The following ATG4D variants were observed in gnomAD, a reference collection of about 807,000 sequenced individuals.
The protein encoded by ATG4D is autophagy related 4D cysteine peptidase.
A neutral mutation model predicts 55.2 loss-of-function variants in ATG4D; 51 were observed. The observed-to-expected ratio is 0.92, with a 90% CI of 0.74 to 1.17. The LOEUF is 1.17. Among genes scored for constraint, ATG4D ranks in the 50% most tolerant of loss-of-function variants. The pLI is 0.00. For missense variants in ATG4D, 635 were observed against 649.6 expected (o/e 0.98, Z 0.25); for synonymous variants, 268 against 266.2 (o/e 1.01, Z -0.07).
Position 10,544,834 on chromosome 19 carries a change from T to C in ATG4D, c.287T>C (p.Leu96Pro). 1 of 1,613,572 alleles carries C rather than the reference T, an allele frequency of 6.2e-7. No individual in the cohort carries two copies. Among genetic ancestry groups the C allele is most frequent in the Non-Finnish European group, 8.5e-7 (1 of 1,179,690 alleles). The change falls in exon 2 of 10, where the codon CTC (leucine) becomes CCC (proline). Residue 96 changes from leucine (L) to proline (P), a missense_variant. Leu to Pro is a moderately conservative substitution (Grantham distance 98). Transcript: ENST00000309469. ...TSFSKISSIH[L>P]CGRRYRFEGE... ...TTTAGCAAGATCTCCAGCATCCACCTCTGTGGCCGCCGCTACCGTTTCGAG... is the reference window on the plus strand; with the variant it reads ...TTTAGCAAGATCTCCAGCATCCACCCCTGTGGCCGCCGCTACCGTTTCGAG...
At position 10,544,156 on chromosome 19, in the gene ATG4D, G is replaced by A; in HGVS notation, c.66G>A (p.Arg22=). ...GCAGCCCGGAGGACGCGCGCCGCCG[G>A]CCCGAGGCCCGCAGGCCGCGGGGTC... The part of the protein sequence containing the change: ...RSSSPEDARR[R]PEARRPRGPR... Residue 22 remains arginine (R), a synonymous_variant, in exon 1 of 10, where the codon CGG becomes CGA. Transcript: ENST00000309469. The A allele has an allele frequency of 8.0e-7, 1 of 1,244,532 alleles. No homozygotes were observed. The highest frequency in any genetic ancestry group is 1.0e-6 in the Non-Finnish European group (1 of 987,320). The allele number at this position is 1,244,532 out of a possible 1,614,324, so 77.1% of individuals were successfully genotyped here. A position where few individuals can be genotyped will look rare whatever the true frequency, so the allele number is the denominator to read the frequency against.
Position 10,544,800 on chromosome 19 carries a change from C to G in ATG4D, c.253C>G (p.Arg85Gly). 6.2e-7 allele frequency: 1 copy of G among 1,614,110 alleles called. No individual in the cohort carries two copies. Among genetic ancestry groups the G allele is most frequent in the Non-Finnish European group, 8.5e-7 (1 of 1,180,006 alleles). Residue 85 changes from arginine (R) to glycine (G), a missense_variant, in exon 2 of 10, where the codon CGG becomes GGG. Arg to Gly is a moderately radical substitution (Grantham distance 125). Coordinates refer to ENST00000309469, the MANE Select transcript of ATG4D (RefSeq NM_032885.6). ...CTCCCCAGGTTGGGTGGTTAAAAGC[C>G]GGACCAGCTTTAGCAAGATCTCCAG... ...NVKYGWVVKSRTSFSKISSIH... is the reference protein window; with the variant it reads ...NVKYGWVVKSGTSFSKISSIH...
At position 10,552,748 on chromosome 19, in the gene ATG4D, G is replaced by T. The variant is rs534685999; in HGVS notation, c.1243-137G>T. ...TGCTCATGGCTGAGCCAATCACTGT[G>T]GCCAGGGGATGGAAGGTGCTGATTG... On this transcript the variant is annotated intron_variant, in intron 9 of 9. Transcript: ENST00000309469. 11 of 914,500 alleles carry T rather than the reference G, an allele frequency of 1.2e-5. No homozygotes were observed. In the Admixed American group the frequency reaches 2.5e-4, roughly 21 times the overall value. 56.6% of individuals were successfully genotyped at this position (914,500 alleles called of 1,614,324 possible). A position where few individuals can be genotyped will look rare whatever the true frequency, so the allele number is the denominator to read the frequency against.
chr19:10,548,961 A>G lies in ATG4D; in HGVS notation c.893A>G (p.Lys298Arg). The G allele has an allele frequency of 6.2e-7, 1 of 1,614,074 alleles. No homozygotes were observed. Among genetic ancestry groups the G allele is most frequent in the Non-Finnish European group, 8.5e-7 (1 of 1,179,984 alleles). Reference protein sequence around the residue: ...VARPDPTAEWKSVVILVPVRL... With the variant: ...VARPDPTAEWRSVVILVPVRL... Reference sequence around the variant, plus strand: ...AGGCCAGACCCCACAGCCGAGTGGAAGTCTGTGGTCATCCTGGTGCCCGTG... The same window carrying G: ...AGGCCAGACCCCACAGCCGAGTGGAGGTCTGTGGTCATCCTGGTGCCCGTG... The change falls in exon 6 of 10, where the codon AAG (lysine) becomes AGG (arginine). Residue 298 changes from lysine to arginine, a missense_variant. Physicochemically the swap from Lys to Arg is conservative, Grantham distance 26. Coordinates refer to ENST00000309469, the MANE Select transcript of ATG4D (RefSeq NM_032885.6).
chr19:10,552,348 G>A (rs754151658), intron 9 of ATG4D, 24 bp downstream of exon 9: 2 of 1,601,136 alleles, frequency 1.2e-6, no homozygotes, highest in East Asian at 2.2e-5. Context: ...AAGCTGGAGT[G>A]GGGTGAGGGG....
In ATG4D at chr19:10,549,426, C is replaced by CT. The variant is rs112802453; in HGVS notation, c.966+401dup. ...GCGTGAGCCACCACACGGGCCATCC[C>CT]TTTTTTTTTGAGACAGAGTCTTGCT... On this transcript the variant is annotated intron_variant, in intron 6 of 9. Transcript: ENST00000309469. 8.7e-3 allele frequency among the ~76,000 whole-genome samples: 1,303 copies of CT among 149,170 alleles called. 15 individuals are homozygous for CT. The highest frequency in any genetic ancestry group is 0.03 in the African/African-American group (1,229 of 40,504).
At position 10,553,360 on chromosome 19, in the gene ATG4D, C is replaced by G; in HGVS notation, c.*293C>G. ...CACTGGACGCCCGGGCCCTCCCTGT[C>G]CCAAAGCCCCCTTGGGGGAACTGTG... is the stretch of plus-strand genomic sequence containing the variant. On this transcript the variant is annotated 3_prime_UTR_variant, in exon 10 of 10. Coordinates refer to ENST00000309469, the MANE Select transcript of ATG4D (RefSeq NM_032885.6). 1 of 325,760 alleles carries G rather than the reference C, an allele frequency of 3.1e-6. No homozygotes were observed. Among genetic ancestry groups the G allele is most frequent in the Non-Finnish European group, 5.7e-6 (1 of 175,330 alleles). The allele number at this position is 325,760 out of a possible 1,614,324, so 20.2% of individuals were successfully genotyped here.
At position 10,553,037 on chromosome 19, in the gene ATG4D, C is replaced by T. The variant is rs1916343401; in HGVS notation, c.1395C>T (p.Arg465=). Residue 465 remains arginine (R), a synonymous_variant, in exon 10 of 10, where the codon CGC becomes CGT. Transcript: ENST00000309469. Reference sequence around the variant, plus strand: ...CAGGGCGGCTCCTCAGGGCCAAACGCCCCAGCTCTGAGGACTTTGTGTTTT... The same window carrying T: ...CAGGGCGGCTCCTCAGGGCCAAACGTCCCAGCTCTGAGGACTTTGTGTTTT... ...PRTGRLLRAK[R]PSSEDFVFL The T allele has an allele frequency of 6.2e-7, 1 of 1,610,366 alleles. No individual in the cohort carries two copies. The highest frequency in any genetic ancestry group is 8.5e-7 in the Non-Finnish European group (1 of 1,179,232).
chr19:10,549,503 C>T (rs1040238996), intron 6 of ATG4D, among the ~76,000 whole-genome samples: 23 of 152,100 alleles, frequency 1.5e-4, no homozygotes, highest in South Asian at 8.3e-4. Flanking sequence ...TTGCAACCTC[C>T]GCCTCCCGAG....
chr19:10,545,186 G>A (rs985110623), intron 3 of ATG4D, 56 bp downstream of exon 3: 37 of 1,577,172 alleles, frequency 2.3e-5, no homozygotes, highest in African/African-American at 9.4e-5. Flanking sequence ...TGCCATATCA[G>A]CAGTATTAGA....
Position 10,553,220 on chromosome 19 carries a change from GACAGAGCCC to G in ATG4D, c.*164_*172del, listed in dbSNP as rs1220485061. On this transcript the variant is annotated 3_prime_UTR_variant, in exon 10 of 10. Transcript: ENST00000309469. ...ACCAGTCTGGGGCCATTCAGCCAGG[GACAGAGCCC>G]ACAGAGCCCATACACCTGTCTCCCA... 3.9e-6 allele frequency: 4 copies of G among 1,013,688 alleles called. No homozygotes were observed. Among genetic ancestry groups the G allele is most frequent in the South Asian group, 3.5e-5 (2 of 57,184 alleles). The allele number at this position is 1,013,688 out of a possible 1,614,324, so 62.8% of individuals were successfully genotyped here.
Position 10,553,230 on chromosome 19 carries a change from A to T in ATG4D, c.*163A>T. The T allele has an allele frequency of 1.1e-6, 1 of 926,416 alleles. No homozygotes were observed. The highest frequency in any genetic ancestry group is 1.6e-6 in the Non-Finnish European group (1 of 640,810). The allele number at this position is 926,416 out of a possible 1,614,324, so 57.4% of individuals were successfully genotyped here. A position where few individuals can be genotyped will look rare whatever the true frequency, so the allele number is the denominator to read the frequency against. On this transcript the variant is annotated 3_prime_UTR_variant, in exon 10 of 10. Coordinates refer to ENST00000309469, the MANE Select transcript of ATG4D (RefSeq NM_032885.6). The stretch of plus-strand genomic sequence containing the variant: ...GGCCATTCAGCCAGGGACAGAGCCC[A>T]CAGAGCCCATACACCTGTCTCCCAC...
intron 1 of ATG4D, 189 bp from the exon 2 acceptor site, chr19:10,544,594 C>T (rs192393627): frequency 6.0e-5 from 73 of 1,216,650 alleles, no homozygotes; most frequent in Admixed American, 3.7e-4. Flanking sequence ...GAACTACCTT[C>T]CTTCATCCTG....
chr19:10,549,993 G>T (rs1176162190), intron 6 of ATG4D, among the ~76,000 whole-genome samples: 1 of 151,248 alleles, frequency 6.6e-6, no homozygotes, highest in African/African-American at 2.4e-5. Context: ...GCAACATAGT[G>T]AGACCCCCAT....
chr19:10,545,265 AGTT>A, intron 3 of ATG4D, 135 bp downstream of exon 3: 2 of 1,231,468 alleles, frequency 1.6e-6, no homozygotes, highest in East Asian at 2.5e-5. Context: ...GAGAGATGAG[AGTT>A]GTTTATAAGA....
intron 3 of ATG4D, 22 bp from the exon 4 acceptor site, chr19:10,546,817 A>C (rs1310221510): frequency 1.3e-6 from 2 of 1,550,020 alleles, no homozygotes; most frequent in Non-Finnish European, 1.7e-6. Flanking sequence ...GCACTGTTTG[A>C]CTATGTGCTC....
Position 10,544,789 on chromosome 19 carries a change from T to G in ATG4D, c.242T>G (p.Val81Gly). ...TGCCCCTACGTCTCCCCAGGTTGGG[T>G]GGTTAAAAGCCGGACCAGCTTTAGC... ...TAWNNVKYGW[V>G]VKSRTSFSKI... The change falls in exon 2 of 10, where the codon GTG (valine) becomes GGG (glycine). Residue 81 changes from valine to glycine, a missense_variant. Coordinates refer to ENST00000309469, the MANE Select transcript of ATG4D (RefSeq NM_032885.6). 6.2e-7 allele frequency: 1 copy of G among 1,613,850 alleles called. No homozygotes were observed. The highest frequency in any genetic ancestry group is 8.5e-7 in the Non-Finnish European group (1 of 1,179,964).
rs777392794 is a variant in ATG4D, at chr19:10,552,982, T to C, written c.1340T>C (p.Leu447Pro). 1 of 1,613,508 alleles carries C rather than the reference T, an allele frequency of 6.2e-7. No individual in the cohort carries two copies. The highest frequency in any genetic ancestry group is 1.1e-5 in the South Asian group (1 of 91,082). Reference protein sequence around the residue: ...DHSLDDLCSQLAQPTLRLPRT... With the variant: ...DHSLDDLCSQPAQPTLRLPRT... ...AGCCTGGACGACCTCTGCTCCCAGC[T>C]CGCCCAGCCCACACTCCGGCTCCCT... Residue 447 changes from leucine to proline, a missense_variant, in exon 10 of 10, where the codon CTC becomes CCC. Transcript: ENST00000309469.
In ATG4D at chr19:10,544,833, C is replaced by A; in HGVS notation, c.286C>A (p.Leu96Ile). 1 of 1,613,616 alleles carries A rather than the reference C, an allele frequency of 6.2e-7. No individual in the cohort carries two copies. Among genetic ancestry groups the A allele is most frequent in the Non-Finnish European group, 8.5e-7 (1 of 1,179,696 alleles). The change falls in exon 2 of 10, where the codon CTC (leucine) becomes ATC (isoleucine). Residue 96 changes from leucine (L) to isoleucine (I), a missense_variant. Coordinates refer to ENST00000309469, the MANE Select transcript of ATG4D (RefSeq NM_032885.6). Reference sequence around the variant, plus strand: ...CTTTAGCAAGATCTCCAGCATCCACCTCTGTGGCCGCCGCTACCGTTTCGA... The same window carrying A: ...CTTTAGCAAGATCTCCAGCATCCACATCTGTGGCCGCCGCTACCGTTTCGA... ...TSFSKISSIH[L>I]CGRRYRFEGE... is the part of the protein sequence containing the mutation.
Sources: allele counts gnomAD v4.1 joint callset (sites outside exome capture counted in the v4.1 genomes callset), GRCh38; gene constraint gnomAD v4.1.1; transcripts MANE v1.5; gene names NCBI Gene and HGNC (gene_info 2026-07-23, HGNC 2026-07-21).